The following SCN8A variants were observed in gnomAD, a reference collection of about 807,000 sequenced individuals.
SCN8A encodes sodium channel protein type 8 subunit alpha.
SCN8A carries 30 observed loss-of-function variants against 184.1 expected under a neutral mutation model. The observed-to-expected ratio is 0.16, with a 90% CI of 0.12 to 0.22. The LOEUF (loss-of-function observed/expected upper bound fraction) is 0.22, where lower values mean the gene tolerates loss of function less well. Among genes scored for constraint, SCN8A ranks in the 10% least tolerant of loss-of-function variants. SCN8A has a pLI of 1.00. For missense variants in SCN8A, 1,057 were observed against 2,498.9 expected (o/e 0.42, Z 12.30); for synonymous variants, 852 against 907.0 (o/e 0.94, Z 1.09).
rs528126331 is a variant in SCN8A, at chr12:51,765,811, A to G, written c.2685A>G (p.Gln895=). ...IVFIFAVVGM[Q]LFGKSYKECV... The stretch of plus-strand genomic sequence containing the variant: ...TCATCTTTGCCGTGGTGGGGATGCA[A>G]CTCTTTGGAAAAAGCTACAAAGAGT... Residue 895 remains glutamine, a synonymous_variant, in exon 16 of 27, where the codon CAA becomes CAG. Transcript: ENST00000627620. 2.2e-4 allele frequency: 359 copies of G among 1,613,752 alleles called. 2 individuals are homozygous for G. The South Asian group carries it at 3.5e-3, about 16-fold the overall frequency.
chr12:51,712,625 C>T, intron 11 of SCN8A: 1 of 778,964 alleles, frequency 1.3e-6, no homozygotes, highest in Non-Finnish European at 2.3e-6. Context: ...GTTCCCACCA[C>T]CACCATAGTT....
chr12:51,656,185 AT>A (rs771090447), intron 1 of SCN8A, among the ~76,000 whole-genome samples: 6 of 152,200 alleles, frequency 3.9e-5, no homozygotes, highest in Non-Finnish European at 4.4e-5. Context: ...AAATGAAAAT[AT>A]TTTTAGGAGT....
At chr12:51,693,511 C>G (rs1941544901) in intron 6 of SCN8A, among the ~76,000 whole-genome samples, 1 of 152,186 alleles carries the variant, frequency 6.6e-6, no homozygotes, top group Non-Finnish European at 1.5e-5. Context: ...GTGGTACACA[C>G]CTATAGTCCC....
intron 1 of SCN8A, among the ~76,000 whole-genome samples, chr12:51,607,304 T>C (rs1939616845): frequency 1.3e-5 from 2 of 152,230 alleles, no homozygotes; most frequent in South Asian, 4.1e-4. Context: ...TGAATTCTTT[T>C]ATCAGTTCTT....
At chr12:51,712,375 G>T in intron 11 of SCN8A, 1 of 674,600 alleles carries the variant, frequency 1.5e-6, no homozygotes, top group South Asian at 1.7e-5. Flanking sequence ...AATGCATTTG[G>T]GACGACTGTC....
At chr12:51,786,848 GT>G in intron 22 of SCN8A, 22 bp downstream of exon 22, 1 of 1,596,984 alleles carries the variant, frequency 6.3e-7, no homozygotes, top group Non-Finnish European at 8.5e-7. Context: ...TTTTGTTTTT[GT>G]TTTTTCAGTT....
At chr12:51,623,085 T>C (rs1197948613) in intron 1 of SCN8A, among the ~76,000 whole-genome samples, 1 of 152,194 alleles carries the variant, frequency 6.6e-6, no homozygotes, top group Non-Finnish European at 1.5e-5. Flanking sequence ...TTTTTTAGAA[T>C]TAGAAGATGT....
rs779955579 is a variant in SCN8A at position 51,769,130 on chromosome 12, A to G, written c.3167A>G (p.Asn1056Ser). 6.2e-7 allele frequency: 1 copy of G among 1,613,478 alleles called. No homozygotes were observed. The highest frequency in any genetic ancestry group is 8.5e-7 in the Non-Finnish European group (1 of 1,179,652). Residue 1056 changes from asparagine (N) to serine (S), a missense_variant, in exon 17 of 27, where the codon AAT becomes AGT. Coordinates refer to ENST00000627620, the MANE Select transcript of SCN8A (RefSeq NM_001330260.2). ...CACACCGGTGCAGACATCCACCGGAATGGTGACTTCCAGAAGAATGGCAAT... is the reference window on the plus strand; with the variant it reads ...CACACCGGTGCAGACATCCACCGGAGTGGTGACTTCCAGAAGAATGGCAAT... ...ANHTGADIHR[N>S]GDFQKNGNGT...
intron 16 of SCN8A, 169 bp downstream of exon 16, chr12:51,766,196 G>A (rs1326745977): frequency 4.6e-6 from 3 of 652,900 alleles, no homozygotes; most frequent in African/African-American, 1.8e-5. Flanking sequence ...AGAGGAGAGA[G>A]ATACTTACAG....
At chr12:51,692,649 T>C (rs1253278224) in intron 6 of SCN8A, among the ~76,000 whole-genome samples, 1 of 152,232 alleles carries the variant, frequency 6.6e-6, no homozygotes, top group East Asian at 1.9e-4. Flanking sequence ...ATATTCTGCC[T>C]AAAAGTTTAT....
In SCN8A at chr12:51,808,808, C is replaced by CA. The variant is rs984209400; in HGVS notation, c.*1380dup. Reference sequence around the variant, plus strand: ...TTCTGCAGAGGGGTCATCGCATACTCACACACTGCATGGCTCCCCCTGCCT... The same window carrying CA: ...TTCTGCAGAGGGGTCATCGCATACTCAACACACTGCATGGCTCCCCCTGCCT... On this transcript the variant is annotated 3_prime_UTR_variant, in exon 27 of 27. Coordinates refer to ENST00000627620, the MANE Select transcript of SCN8A (RefSeq NM_001330260.2). 6 of 152,324 alleles carry CA rather than the reference C, an allele frequency of 3.9e-5. No individual in the cohort carries two copies. Among genetic ancestry groups the CA allele is most frequent in the African/African-American group, 1.4e-4 (6 of 41,556 alleles). 9.4% of individuals were successfully genotyped at this position (152,324 alleles called of 1,614,324 possible).
At chr12:51,665,403 CTT>C (rs1941013183) in intron 2 of SCN8A, among the ~76,000 whole-genome samples, 1 of 152,144 alleles carries the variant, frequency 6.6e-6, no homozygotes, top group African/African-American at 2.4e-5. Context: ...GAAAGGATAA[CTT>C]TAATAATTTT....
intron 6 of SCN8A, among the ~76,000 whole-genome samples, chr12:51,693,694 A>T (rs1168140160): frequency 6.6e-6 from 1 of 152,180 alleles, no homozygotes; most frequent in East Asian, 1.9e-4. Context: ...CAGTTGCAGC[A>T]GGAAAAGTCA....
intron 20 of SCN8A, 59 bp from the exon 21 acceptor site, chr12:51,780,590 T>TCC: frequency 1.8e-5 from 6 of 328,496 alleles, no homozygotes; most frequent in Non-Finnish European, 3.1e-5. Context: ...TTTTTTTTTT[T>TCC]TTTTTTTTTT....
chr12:51,608,262 G>A lies in SCN8A; in HGVS notation c.-55+16903G>A, dbSNP rs865787253. Among the ~76,000 whole-genome samples, 5 of 151,936 alleles carry A rather than the reference G, an allele frequency of 3.3e-5. No homozygotes were observed. The Middle Eastern group carries it at 0.01, about 310-fold the overall frequency. The stretch of plus-strand genomic sequence containing the variant: ...CCTGACCTTGTGATCCACCCGCCTC[G>A]GCCTCCGAAAGTGCTGGGATTACAG... On this transcript the variant is annotated intron_variant, in intron 1 of 26. Coordinates refer to ENST00000627620, the MANE Select transcript of SCN8A (RefSeq NM_001330260.2).
intron 14 of SCN8A, among the ~76,000 whole-genome samples, chr12:51,753,770 G>T (rs1160236203): frequency 6.6e-6 from 1 of 152,112 alleles, no homozygotes; most frequent in Non-Finnish European, 1.5e-5. Flanking sequence ...GAAGTCTTTG[G>T]GATAGCTAAA....
rs373776370 is a variant in SCN8A, at chr12:51,758,982, A to ATG, written c.2371-3520_2371-3519insGT. Among the ~76,000 whole-genome samples the ATG allele has an allele frequency of 7.3e-3, 999 of 137,396 alleles. 12 individuals carry two copies. The highest frequency in any genetic ancestry group is 0.015 in the Middle Eastern group (4 of 270). The allele number at this position is 137,396 out of a possible 152,430, so 90.1% of individuals were successfully genotyped here. ...CATATACACATACATGTATGTATGT[A>ATG]TATGTGTGTGTGTGTGTGTATATAT... On this transcript the variant is annotated intron_variant, in intron 14 of 26. Coordinates refer to ENST00000627620, the MANE Select transcript of SCN8A (RefSeq NM_001330260.2).
intron 1 of SCN8A, among the ~76,000 whole-genome samples, chr12:51,652,613 G>A (rs1940740643): frequency 6.6e-6 from 1 of 152,116 alleles, no homozygotes; most frequent in African/African-American, 2.4e-5. Context: ...CAGTACCCAA[G>A]TGGCTTGATC....
At position 51,706,720 on chromosome 12, in the gene SCN8A, A is replaced by T; in HGVS notation, c.1635+5A>T. The T allele has an allele frequency of 6.6e-7, 1 of 1,509,464 alleles. No individual in the cohort carries two copies. Among genetic ancestry groups the T allele is most frequent in the South Asian group, 1.4e-5 (1 of 70,018 alleles). The allele number at this position is 1,509,464 out of a possible 1,614,324, so 93.5% of individuals were successfully genotyped here. On this transcript the variant is annotated splice_donor_5th_base_variant and intron_variant, in intron 11 of 26. Coordinates refer to ENST00000627620, the MANE Select transcript of SCN8A (RefSeq NM_001330260.2). ...AAATTTTCCATCATGAATCAGGTAA[A>T]CTCTTCTTTTTTCTATACCTTTTTC...
Sources: allele counts gnomAD v4.1 joint callset (sites outside exome capture counted in the v4.1 genomes callset), GRCh38; gene constraint gnomAD v4.1.1; transcripts MANE v1.5; gene names NCBI Gene and HGNC (gene_info 2026-07-23, HGNC 2026-07-21).